ARHGAP18: variants seen among roughly 807,000 people sequenced by gnomAD.
ARHGAP18 encodes the protein rho GTPase-activating protein 18.
In ARHGAP18, 67 loss-of-function variants were observed where a neutral mutation model predicts 86.2. The ratio of observed to expected loss-of-function variants is 0.78; its 90% CI spans 0.64 to 0.95. The LOEUF is 0.95. Ranked by LOEUF, ARHGAP18 falls within the 40% of genes least tolerant of loss-of-function variation. The pLI, the probability that ARHGAP18 is intolerant of heterozygous loss-of-function variation, is 0.00. For missense variants in ARHGAP18, 691 were observed against 780.4 expected (o/e 0.89, Z 1.37); for synonymous variants, 283 against 280.4 (o/e 1.01, Z -0.09).
intron 8 of ARHGAP18, among the ~76,000 whole-genome samples, chr6:129,609,041 G>C (rs2114458587): frequency 6.7e-6 from 1 of 150,346 alleles, no homozygotes; most frequent in Middle Eastern, 3.4e-3. Flanking sequence ...GATAGAAAAA[G>C]GGAGTGGGAG....
At chr6:129,616,440 C>G (rs1331678037) in intron 6 of ARHGAP18, 137 bp from the exon 7 acceptor site, 3 of 659,240 alleles carry the variant, frequency 4.6e-6, no homozygotes, top group Non-Finnish European at 5.0e-6. Flanking sequence ...ATGACAGCAT[C>G]TCAACATTAT....
intron 5 of ARHGAP18, among the ~76,000 whole-genome samples, chr6:129,626,397 G>A (rs953146774): frequency 6.6e-6 from 1 of 151,874 alleles, no homozygotes; most frequent in African/African-American, 2.4e-5. Context: ...GATTGAATAG[G>A]TTGGTAGCTG....
intron 1 of ARHGAP18, among the ~76,000 whole-genome samples, chr6:129,677,347 C>T (rs147177676): frequency 6.6e-6 from 1 of 151,816 alleles, no homozygotes; most frequent in Admixed American, 6.5e-5. Context: ...GAGCCGAGAT[C>T]GCACCACTGC....
At chr6:129,656,514 G>A (rs773553876) in intron 1 of ARHGAP18, among the ~76,000 whole-genome samples, 32 of 151,994 alleles carry the variant, frequency 2.1e-4, no homozygotes, top group South Asian at 6.2e-4. Flanking sequence ...GGTGGTACGC[G>A]CCTATAATCC....
At chr6:129,674,689 C>G (rs891305421) in intron 1 of ARHGAP18, among the ~76,000 whole-genome samples, 1 of 152,140 alleles carries the variant, frequency 6.6e-6, no homozygotes, top group Non-Finnish European at 1.5e-5. Flanking sequence ...ATATGTTATA[C>G]TACACCATTT....
chr6:129,670,692 T>G (rs1774127232), intron 1 of ARHGAP18, among the ~76,000 whole-genome samples: 1 of 149,274 alleles, frequency 6.7e-6, no homozygotes, highest in African/African-American at 2.5e-5. Flanking sequence ...GTAACTCTTT[T>G]TTTTTTTTTT....
rs138989567 is a variant in ARHGAP18, at chr6:129,626,655, C to G, written c.786+2698G>C. 1.9e-3 allele frequency among the ~76,000 whole-genome samples: 272 copies of G among 140,300 alleles called. 2 individuals carry two copies. The highest frequency in any genetic ancestry group is 7.5e-3 in the Middle Eastern group (2 of 268). 92.0% of individuals were successfully genotyped at this position (140,300 alleles called of 152,430 possible). On this transcript the variant is annotated intron_variant, in intron 5 of 14. Transcript: ENST00000368149. ...TATAAAATCCCTTTTAGGATGTACC[C>G]CCAAAACACACACACATACACACAC...
At position 129,693,601 on chromosome 6, in the gene ARHGAP18, C is replaced by T. The variant is rs149643978; in HGVS notation, c.113+16423G>A. Among the ~76,000 whole-genome samples the T allele has an allele frequency of 1.7e-3, 262 of 152,242 alleles. 2 individuals are homozygous for T. The highest frequency in any genetic ancestry group is 2.6e-3 in the Non-Finnish European group (177 of 68,006). On this transcript the variant is annotated intron_variant, in intron 1 of 14. Transcript: ENST00000368149. ...GACCACAGCCTGCCATAGAAAATGT[C>T]CTCCCTGTGAACTGAGGCCCCACTG...
At chr6:129,678,218 G>A (rs566348596) in intron 1 of ARHGAP18, among the ~76,000 whole-genome samples, 2 of 152,236 alleles carry the variant, frequency 1.3e-5, no homozygotes, top group African/African-American at 2.4e-5. Flanking sequence ...TTGGGTCTCC[G>A]ATCAATATTT....
chr6:129,611,888 G>A (rs1345895153), intron 7 of ARHGAP18, among the ~76,000 whole-genome samples: 3 of 152,164 alleles, frequency 2.0e-5, no homozygotes, highest in South Asian at 2.1e-4. Flanking sequence ...GAATAAAGAT[G>A]TTCACTGTTT....
chr6:129,643,438 A>G (rs1014258992), intron 1 of ARHGAP18, among the ~76,000 whole-genome samples: 2 of 152,138 alleles, frequency 1.3e-5, no homozygotes, highest in African/African-American at 4.8e-5. Flanking sequence ...CATGTGAATA[A>G]GGGTGTGTTT....
chr6:129,598,739 T>C (rs1488368721), intron 12 of ARHGAP18: 1 of 152,154 alleles, frequency 6.6e-6, no homozygotes, highest in Non-Finnish European at 1.5e-5. Flanking sequence ...CTTATTAAAG[T>C]CCAGGAATAA....
intron 2 of ARHGAP18, among the ~76,000 whole-genome samples, chr6:129,638,833 A>C (rs1773388147): frequency 6.6e-6 from 1 of 152,208 alleles, no homozygotes; most frequent in Non-Finnish European, 1.5e-5. Flanking sequence ...TACTCAATTA[A>C]AATTTTTAAA....
intron 1 of ARHGAP18, among the ~76,000 whole-genome samples, chr6:129,674,925 A>G (rs1307903704): frequency 2.6e-5 from 4 of 152,202 alleles, no homozygotes; most frequent in Admixed American, 6.5e-5. Context: ...TCATTTTTAT[A>G]AGGTGTCGCC....
chr6:129,618,349 T>C (rs994009227), intron 6 of ARHGAP18, among the ~76,000 whole-genome samples: 5 of 152,196 alleles, frequency 3.3e-5, no homozygotes, highest in Non-Finnish European at 5.9e-5. Flanking sequence ...AAGATCTGAT[T>C]CTGGAAATAA....
At chr6:129,583,059 T>C (rs965303107) in intron 13 of ARHGAP18, among the ~76,000 whole-genome samples, 2 of 152,316 alleles carry the variant, frequency 1.3e-5, no homozygotes, top group African/African-American at 4.8e-5. Context: ...ATTTAACATG[T>C]TTCTGTTCTG....
At chr6:129,609,452 A>AAGTAAATG (rs1788933287) in intron 8 of ARHGAP18, among the ~76,000 whole-genome samples, 1 of 152,130 alleles carries the variant, frequency 6.6e-6, no homozygotes, top group South Asian at 2.1e-4. Context: ...TTCTGTACTG[A>AAGTAAATG]AGTAAATGTA....
At chr6:129,622,076 G>A (rs1789240943) in intron 5 of ARHGAP18, among the ~76,000 whole-genome samples, 1 of 152,132 alleles carries the variant, frequency 6.6e-6, no homozygotes. Context: ...TAACGCTGTT[G>A]TACCACAGAC....
At position 129,608,124 on chromosome 6, in the gene ARHGAP18, T is replaced by C. The variant is rs187478924; in HGVS notation, c.1123-72A>G. 7.8e-4 allele frequency: 1,130 copies of C among 1,445,092 alleles called. 4 individuals are homozygous for C. In the African/African-American group the frequency reaches 0.014, roughly 18 times the overall value. 89.5% of individuals were successfully genotyped at this position (1,445,092 alleles called of 1,614,324 possible). ...AGTGCATTTTTTTTCTTGCTGAGAG[T>C]ATGACACATTTTCACTTTCAAGAGA... On this transcript the variant is annotated intron_variant, in intron 8 of 14. Coordinates refer to ENST00000368149, the MANE Select transcript of ARHGAP18 (RefSeq NM_033515.3).
Sources: gnomAD v4.1 joint callset for allele counts (sites outside exome capture counted in the v4.1 genomes callset) on GRCh38, gnomAD v4.1.1 for gene constraint, MANE v1.5 for transcripts, NCBI Gene and HGNC (gene_info 2026-07-23, HGNC 2026-07-21) for gene names.